Variants in FHIT observed in about 807,000 individuals in gnomAD.
FHIT encodes the protein bis(5'-adenosyl)-triphosphatase.
In FHIT, 19 loss-of-function variants were observed where a neutral mutation model predicts 17.9. The observed-to-expected ratio is 1.06, with a 90% confidence interval of 0.74 to 1.56. FHIT has a LOEUF of 1.56. Ranked by LOEUF, FHIT falls within the 40% of genes most tolerant of loss-of-function variation. FHIT has a pLI of 0.00. For missense variants in FHIT, 248 were observed against 189.2 expected, an observed-to-expected ratio of 1.31 and a Z score of -1.82; for synonymous variants, 81 against 69.7, an observed-to-expected ratio of 1.16 and a Z score of -0.81.
At chr3:59,960,477 C>A (rs181453577) in intron 7 of FHIT, among the ~76,000 whole-genome samples, 9 of 151,918 alleles carry the variant, frequency 5.9e-5, no homozygotes, top group African/African-American at 2.2e-4. Context: ...CTTTGGAATA[C>A]CTTTTGGGCA....
At chr3:60,295,543 G>A (rs918838989) in intron 5 of FHIT, among the ~76,000 whole-genome samples, 2 of 152,032 alleles carry the variant, frequency 1.3e-5, no homozygotes, top group Non-Finnish European at 2.9e-5. Flanking sequence ...GTGAGAAGTT[G>A]CTCATTGCTA....
chr3:60,510,635 ATGT>A (rs1372503113), intron 5 of FHIT, among the ~76,000 whole-genome samples: 1 of 152,120 alleles, frequency 6.6e-6, no homozygotes, highest in African/African-American at 2.4e-5. Flanking sequence ...CAAGACAGAG[ATGT>A]GAGTTCAAGT....
intron 4 of FHIT, among the ~76,000 whole-genome samples, chr3:60,571,855 C>T (rs2037395441): frequency 1.3e-5 from 2 of 152,112 alleles, no homozygotes; most frequent in Admixed American, 6.6e-5. Context: ...ATTCTCTTTC[C>T]ATAGCATCTT....
chr3:60,655,919 T>G (rs1553689432), intron 4 of FHIT, among the ~76,000 whole-genome samples: 1 of 152,206 alleles, frequency 6.6e-6, no homozygotes, highest in African/African-American at 2.4e-5. Flanking sequence ...CTCCACGTTT[T>G]GGCTACTACG....
At chr3:61,206,134 G>A (rs1338617151) in intron 1 of FHIT, among the ~76,000 whole-genome samples, 1 of 130,920 alleles carries the variant, frequency 7.6e-6, no homozygotes, top group Non-Finnish European at 1.6e-5. Context: ...TTGTAGATAT[G>A]TGGCATTATT....
chr3:60,932,378 C>G (rs9851616), intron 3 of FHIT, among the ~76,000 whole-genome samples: 39,113 of 152,000 alleles, frequency 0.26, 6,169 homozygotes, highest in East Asian at 0.62. Context: ...CCTTCTCTGC[C>G]CTGCTGGTGG....
chr3:59,942,846 A>C (rs1706596401), intron 7 of FHIT, among the ~76,000 whole-genome samples: 1 of 151,842 alleles, frequency 6.6e-6, no homozygotes, highest in Non-Finnish European at 1.5e-5. Flanking sequence ...ACAGAGTCTC[A>C]CTATGTTGTC....
intron 5 of FHIT, among the ~76,000 whole-genome samples, chr3:60,346,484 C>G: frequency 6.6e-6 from 1 of 152,176 alleles, no homozygotes; most frequent in Non-Finnish European, 1.5e-5. Context: ...TGCACCTTAC[C>G]CAGGGGAGGA....
At chr3:59,751,915 G>T in intron 9 of FHIT, 2 of 310,346 alleles carry the variant, frequency 6.4e-6, no homozygotes, top group East Asian at 4.9e-5. Context: ...CATGACAGAA[G>T]GTCTGCTTTG....
chr3:59,876,942 C>A (rs528958782), intron 8 of FHIT, among the ~76,000 whole-genome samples: 4 of 152,134 alleles, frequency 2.6e-5, no homozygotes, highest in Admixed American at 2.0e-4. Context: ...GCTGAGGAGA[C>A]ATCTGTGAAA....
At chr3:60,698,421 T>A (rs897595343) in intron 4 of FHIT, among the ~76,000 whole-genome samples, 3 of 152,162 alleles carry the variant, frequency 2.0e-5, no homozygotes, top group Non-Finnish European at 2.9e-5. Context: ...GCTTCTGAGA[T>A]AAGTGTTTGA....
chr3:60,537,872 GC>G (rs1225568435), intron 4 of FHIT, among the ~76,000 whole-genome samples: 4 of 152,174 alleles, frequency 2.6e-5, no homozygotes, highest in African/African-American at 9.7e-5. Flanking sequence ...TTCGGGAACA[GC>G]CTAGTATGAA....
intron 3 of FHIT, among the ~76,000 whole-genome samples, chr3:61,001,740 G>A (rs759266309): frequency 6.6e-6 from 1 of 152,128 alleles, no homozygotes; most frequent in African/African-American, 2.4e-5. Flanking sequence ...AGTGGTTGTG[G>A]TTTCATGAAG....
intron 5 of FHIT, among the ~76,000 whole-genome samples, chr3:60,283,163 A>T (rs1436349408): frequency 6.6e-6 from 1 of 152,080 alleles, no homozygotes; most frequent in Non-Finnish European, 1.5e-5. Flanking sequence ...ATTCATAAGC[A>T]AGCTAAAATT....
At chr3:60,710,999 G>A (rs539606542) in intron 4 of FHIT, among the ~76,000 whole-genome samples, 92 of 152,296 alleles carry the variant, frequency 6.0e-4, no homozygotes, top group African/African-American at 1.9e-3. Context: ...CCTGACCCCC[G>A]AGCAGCCTAA....
intron 1 of FHIT, among the ~76,000 whole-genome samples, chr3:61,232,507 G>A (rs1258776830): frequency 1.3e-5 from 2 of 152,226 alleles, no homozygotes; most frequent in African/African-American, 4.8e-5. Flanking sequence ...CCCCTTGGAG[G>A]AGGAGGGGTT....
At chr3:61,222,772 C>T (rs1267910653) in intron 1 of FHIT, among the ~76,000 whole-genome samples, 5 of 152,112 alleles carry the variant, frequency 3.3e-5, no homozygotes, top group Non-Finnish European at 7.3e-5. Flanking sequence ...AACATAACAA[C>T]AGACTCAAGG....
At chr3:60,952,178 CCAA>C (rs1209758477) in intron 3 of FHIT, among the ~76,000 whole-genome samples, 38 of 132,764 alleles carry the variant, frequency 2.9e-4, no homozygotes, top group Non-Finnish European at 4.3e-4. Context: ...CACCCCCCCC[CCAA>C]AAAAAAAAAA....
intron 4 of FHIT, among the ~76,000 whole-genome samples, chr3:60,660,803 T>C (rs1334273180): frequency 6.8e-6 from 1 of 147,570 alleles, no homozygotes; most frequent in Non-Finnish European, 1.5e-5. Flanking sequence ...TTGCCCATTT[T>C]CTAATTGGAC....
Sources: gnomAD v4.1 joint callset for allele counts (sites outside exome capture counted in the v4.1 genomes callset) on GRCh38, gnomAD v4.1.1 for gene constraint, MANE v1.5 for transcripts, NCBI Gene and HGNC (gene_info 2026-07-23, HGNC 2026-07-21) for gene names.